Variants in XIAP observed in about 807,000 individuals in gnomAD.
XIAP encodes E3 ubiquitin-protein ligase XIAP.
A neutral mutation model predicts 33.1 loss-of-function variants in XIAP; 3 were observed. The observed-to-expected ratio is 0.09, with a 90% CI of 0.04 to 0.23. The LOEUF (loss-of-function observed/expected upper bound fraction) is 0.23. XIAP is among the 10% of genes least tolerant of loss of function. XIAP has a pLI of 1.00. For missense variants in XIAP, 264 were observed against 363.0 expected (o/e 0.73, Z 2.22); for synonymous variants, 98 against 121.3 (o/e 0.81, Z 1.26).
chrX:123,891,717 C>T (rs910795438), intron 4 of XIAP, among the ~76,000 whole-genome samples: 2 of 106,101 alleles, frequency 1.9e-5, no homozygotes, highest in East Asian at 3.0e-4. Context: ...GCTACTTGGG[C>T]GGCTGAGGCG....
intron 1 of XIAP, among the ~76,000 whole-genome samples, chrX:123,880,867 ACCT>A (rs1298212495): frequency 9.2e-6 from 1 of 109,256 alleles, no homozygotes; most frequent in African/African-American, 3.3e-5. Flanking sequence ...TTAGCTGTCA[ACCT>A]CCTCTCCTTG....
chrX:123,908,186 CT>C lies in XIAP; in HGVS notation c.*1010del. ...AATCCAAGAAGGCAGGGCAGTTAAC[CT>C]TTTTGGTGCCAATGTGAAATGTAAA... On this transcript the variant is annotated 3_prime_UTR_variant, in exon 7 of 7. Transcript: ENST00000371199. 2 of 364,335 alleles carry C rather than the reference CT, an allele frequency of 5.5e-6. No homozygotes were observed. The highest frequency in any genetic ancestry group is 1.0e-5 in the Non-Finnish European group (2 of 190,837). The allele number at this position is 364,335 out of a possible 1,213,427, so 30.0% of individuals were successfully genotyped here.
chrX:123,909,266 A>G lies in XIAP; in HGVS notation c.*2085A>G. The G allele has an allele frequency of 3.1e-6, 1 of 327,133 alleles. No individual in the cohort carries two copies. The highest frequency in any genetic ancestry group is 5.9e-6 in the Non-Finnish European group (1 of 168,657). The allele number at this position is 327,133 out of a possible 1,213,427, so 27.0% of individuals were successfully genotyped here. On this transcript the variant is annotated 3_prime_UTR_variant, in exon 7 of 7. Coordinates refer to ENST00000371199, the MANE Select transcript of XIAP (RefSeq NM_001167.4). ...GGCTGGTATCAAACTCCTGACCTCA[A>G]GAGATCCACTCGCCTTGCCCTCCCA...
intron 5 of XIAP, among the ~76,000 whole-genome samples, chrX:123,897,112 G>C (rs913876211): frequency 1.5e-4 from 16 of 108,211 alleles, no homozygotes; most frequent in Non-Finnish European, 2.7e-4. Context: ...TGTATTTTTA[G>C]TAGAGACGGG....
At chrX:123,883,867 T>C (rs368464424) in intron 1 of XIAP, among the ~76,000 whole-genome samples, 28 of 111,707 alleles carry the variant, frequency 2.5e-4, no homozygotes, top group African/African-American at 8.1e-4. Context: ...TGATCAGCCT[T>C]GGTTTCTTTG....
intron 1 of XIAP, among the ~76,000 whole-genome samples, chrX:123,880,487 A>C (rs926369836): frequency 1.2e-4 from 13 of 108,297 alleles, no homozygotes; most frequent in African/African-American, 4.4e-4. Context: ...CTGTTATCCC[A>C]GCACTTTGGG....
intron 1 of XIAP, among the ~76,000 whole-genome samples, chrX:123,880,737 CAAAA>C (rs35365799): frequency 4.7e-5 from 3 of 63,954 alleles, no homozygotes; most frequent in Non-Finnish European, 6.0e-5. Context: ...AACTCTGTTT[CAAAA>C]AAAAAAAAAA....
rs554238848 is a variant in XIAP at position 123,912,167 on chromosome X, G to A, written c.*4986G>A. On this transcript the variant is annotated 3_prime_UTR_variant, in exon 7 of 7. Coordinates refer to ENST00000371199, the MANE Select transcript of XIAP (RefSeq NM_001167.4). ...CATATATAGCCAGCCCTTCATATCT[G>A]TGGGTTTTGCATCCATGGATTCAAC... 3 of 312,748 alleles carry A rather than the reference G, an allele frequency of 9.6e-6. No homozygotes were observed. The highest frequency in any genetic ancestry group is 1.0e-4 in the East Asian group (1 of 9,998). 25.8% of individuals were successfully genotyped at this position (312,748 alleles called of 1,213,427 possible). A position where few individuals can be genotyped will look rare whatever the true frequency, so the allele number is the denominator to read the frequency against.
intron 1 of XIAP, among the ~76,000 whole-genome samples, chrX:123,872,180 T>G (rs764693356): frequency 1.4e-4 from 15 of 111,095 alleles, no homozygotes; most frequent in Middle Eastern, 4.6e-3. Context: ...TTTAGGGAAG[T>G]TTTTGCCCAA....
In XIAP at chrX:123,907,054, G is replaced by A; in HGVS notation, c.1367G>A (p.Arg456Lys). The A allele has an allele frequency of 3.3e-6, 4 of 1,210,546 alleles. No homozygotes were observed. Among genetic ancestry groups the A allele is most frequent in the Non-Finnish European group, 4.5e-6 (4 of 895,241 alleles). Residue 456 changes from arginine to lysine, a missense_variant, in exon 7 of 7, where the codon AGA becomes AAA. Arg to Lys is a conservative substitution (Grantham distance 26). Transcript: ENST00000371199. ...AAGCTTTGCAAAATCTGTATGGATA[G>A]AAATATTGCTATCGTTTTTGTTCCT... is the stretch of plus-strand genomic sequence containing the variant. ...EEKLCKICMDRNIAIVFVPCG... is the reference protein window; with the variant it reads ...EEKLCKICMDKNIAIVFVPCG...
In XIAP at chrX:123,869,362, C is replaced by CAAAAAAAAAA. The variant is rs57436822; in HGVS notation, c.-33+9082_-33+9091dup. Among the ~76,000 whole-genome samples, 202 of 29,706 alleles carry CAAAAAAAAAA rather than the reference C, an allele frequency of 6.8e-3. 7 individuals carry two copies. The highest frequency in any genetic ancestry group is 8.4e-3 in the African/African-American group (56 of 6,663). 25.8% of individuals were successfully genotyped at this position (29,706 alleles called of 115,157 possible). On this transcript the variant is annotated intron_variant, in intron 1 of 6. Coordinates refer to ENST00000371199, the MANE Select transcript of XIAP (RefSeq NM_001167.4). ...AAACCCCATCTCTACTAAAAAAATA[C>CAAAAAAAAAA]AAAAAAAAAAAAAAAAAAAAAAGCT...
In XIAP at chrX:123,885,695, T is replaced by C; in HGVS notation, c.33T>C (p.Thr11=). The change falls in exon 2 of 7, where the codon ACT becomes ACC. Residue 11 remains threonine (T), a synonymous_variant. Coordinates refer to ENST00000371199, the MANE Select transcript of XIAP (RefSeq NM_001167.4). MTFNSFEGSK[T]CVPADINKEE... ...TTAACAGTTTTGAAGGATCTAAAAC[T>C]TGTGTACCTGCAGACATCAATAAGG... 1 of 1,210,915 alleles carries C rather than the reference T, an allele frequency of 8.3e-7. No homozygotes were observed. The highest frequency in any genetic ancestry group is 1.8e-5 in the South Asian group (1 of 56,763).
At chrX:123,862,572 A>C (rs1040585728) in intron 1 of XIAP, among the ~76,000 whole-genome samples, 2 of 108,784 alleles carry the variant, frequency 1.8e-5, no homozygotes, top group East Asian at 5.9e-4. Flanking sequence ...CCACAAGAAA[A>C]ATTTGACACC....
chrX:123,909,555 CT>C lies in XIAP; in HGVS notation c.*2376del, dbSNP rs1266337165. ...TTTTTAAAATATGTTTTCCAGGACA[CT>C]TCACTTCCAAGTCAGGTAGGTAGTT... On this transcript the variant is annotated 3_prime_UTR_variant, in exon 7 of 7. Transcript: ENST00000371199. 3.1e-6 allele frequency: 1 copy of C among 326,714 alleles called. No individual in the cohort carries two copies. Among genetic ancestry groups the C allele is most frequent in the African/African-American group, 2.7e-5 (1 of 37,405 alleles). The allele number at this position is 326,714 out of a possible 1,213,427, so 26.9% of individuals were successfully genotyped here. A position where few individuals can be genotyped will look rare whatever the true frequency, so the allele number is the denominator to read the frequency against.
intron 5 of XIAP, among the ~76,000 whole-genome samples, chrX:123,897,781 T>G (rs1371822720): frequency 8.9e-6 from 1 of 112,021 alleles, no homozygotes; most frequent in Non-Finnish European, 1.9e-5. Context: ...CAGGCTGGTC[T>G]TGAACTCCTG....
At chrX:123,869,013 A>G (rs921760890) in intron 1 of XIAP, among the ~76,000 whole-genome samples, 3 of 110,520 alleles carry the variant, frequency 2.7e-5, no homozygotes, top group African/African-American at 9.9e-5. Context: ...TTTCGAGGAT[A>G]TGGGTCATAG....
At chrX:123,877,068 CTTTT>C (rs771164262) in intron 1 of XIAP, among the ~76,000 whole-genome samples, 1 of 97,584 alleles carries the variant, frequency 1.0e-5, no homozygotes, top group Admixed American at 1.1e-4. Flanking sequence ...AATTAATTGC[CTTTT>C]TTTTTTTTTT....
chrX:123,906,825 A>G (rs1330234342), intron 6 of XIAP, among the ~76,000 whole-genome samples, 163 bp from the exon 7 acceptor site: 1 of 112,135 alleles, frequency 8.9e-6, no homozygotes, highest in Non-Finnish European at 1.9e-5. Flanking sequence ...CTCTCCCACT[A>G]GCGTGTGAGC....
chrX:123,879,094 C>T, intron 1 of XIAP: 1 of 113,385 alleles, frequency 8.8e-6, no homozygotes, highest in East Asian at 2.8e-4. Flanking sequence ...GTGCTGTGAG[C>T]CAGGCCTGGA....
Sources: allele counts gnomAD v4.1 joint callset (sites outside exome capture counted in the v4.1 genomes callset), GRCh38; gene constraint gnomAD v4.1.1; transcripts MANE v1.5; gene names NCBI Gene and HGNC (gene_info 2026-07-23, HGNC 2026-07-21).